Variants in ZACN observed in about 807,000 individuals in gnomAD.
ZACN encodes ligand-gated cation channel ZACN.
In ZACN, 52 loss-of-function variants were observed where a neutral mutation model predicts 38.9. The ratio of observed to expected loss-of-function variants is 1.34; its 90% CI spans 1.07 to 1.68. The LOEUF (loss-of-function observed/expected upper bound fraction) is 1.68. ZACN is among the 40% of genes most tolerant of loss of function. The probability of loss-of-function intolerance (pLI) is 0.00; values close to 1 mark genes in which losing one functional copy is unlikely to be tolerated. For missense variants in ZACN, 559 were observed against 525.6 expected (o/e 1.06, Z -0.62); for synonymous variants, 235 against 227.4 (o/e 1.03, Z -0.30).
chr17:76,079,591 A>C, intron 2 of ZACN, 28 bp downstream of exon 2: 1 of 1,614,020 alleles, frequency 6.2e-7, no homozygotes, highest in Non-Finnish European at 8.5e-7. Context: ...AAGGGCCCCA[A>C]GTGCTGAGCT....
At position 76,080,000 on chromosome 17, in the gene ZACN, T is replaced by A. The variant is rs936429549; in HGVS notation, c.374+6T>A. On this transcript the variant is annotated splice_donor_region_variant and intron_variant, in intron 4 of 8. Transcript: ENST00000334586. ...AGGCTCACCATCCTGGAGGCGTAAG[T>A]GAGACAGTTCCTGCCCCAGGAATCT... 9.6e-6 allele frequency: 15 copies of A among 1,568,110 alleles called. No homozygotes were observed. The highest frequency in any genetic ancestry group is 3.5e-5 in the South Asian group (3 of 85,296).
Position 76,079,868 on chromosome 17 carries a change from T to C in ZACN, c.268-20T>C. 6.3e-7 allele frequency: 1 copy of C among 1,586,914 alleles called. No homozygotes were observed. Among genetic ancestry groups the C allele is most frequent in the Admixed American group, 1.8e-5 (1 of 55,946 alleles). The stretch of plus-strand genomic sequence containing the variant: ...GATATGTGGAGAGCAGGAGCCTCAG[T>C]GGTGCCCTTGTGTCCCCAGTCCTGG... On this transcript the variant is annotated intron_variant, in intron 3 of 8. Coordinates refer to ENST00000334586, the MANE Select transcript of ZACN (RefSeq NM_180990.4).
intron 8 of ZACN, 134 bp from the exon 9 acceptor site, chr17:76,082,329 C>A: frequency 2.9e-6 from 3 of 1,022,340 alleles, no homozygotes; most frequent in Admixed American, 2.8e-5. Flanking sequence ...CTGAAATGGG[C>A]CAGACCCAAA....
rs771439466 is a variant in ZACN at position 76,082,484 on chromosome 17, G to A, written c.1070G>A (p.Gly357Glu). 6.8e-6 allele frequency: 11 copies of A among 1,612,868 alleles called. No individual in the cohort carries two copies. The highest frequency in any genetic ancestry group is 8.5e-6 in the Non-Finnish European group (10 of 1,179,522). Reference protein sequence around the residue: ...PAEEPSRGVKGSQRSWPETAD... With the variant: ...PAEEPSRGVKESQRSWPETAD... Reference sequence around the variant, plus strand: ...ACAGAGCCCTCCAGAGGAGTAAAGGGGTCACAGAGAAGCTGGCCTGAGACT... The same window carrying A: ...ACAGAGCCCTCCAGAGGAGTAAAGGAGTCACAGAGAAGCTGGCCTGAGACT... The change falls in exon 9 of 9, where the codon GGG becomes GAG. Residue 357 changes from glycine to glutamate, a missense_variant. Gly to Glu is a moderately conservative substitution (Grantham distance 98, BLOSUM62 -2). Transcript: ENST00000334586.
chr17:76,079,606 A>C (rs1278490804), intron 2 of ZACN, 43 bp downstream of exon 2: 1 of 1,613,718 alleles, frequency 6.2e-7, no homozygotes, highest in Non-Finnish European at 8.5e-7. Context: ...TGAGCTGGGC[A>C]GGGAACAGGA....
At chr17:76,079,847 T>C (rs2066921825) in intron 3 of ZACN, 41 bp from the exon 4 acceptor site, 2 of 1,593,092 alleles carry the variant, frequency 1.3e-6, no homozygotes, top group Non-Finnish European at 1.7e-6. Flanking sequence ...GGCATGGATA[T>C]GTGGAGAGCA....
At chr17:76,081,425 C>T (rs577823187) in intron 6 of ZACN, 23 bp downstream of exon 6, 137 of 1,613,618 alleles carry the variant, frequency 8.5e-5, no homozygotes, top group Middle Eastern at 3.3e-4. Context: ...GGGAGGAGGC[C>T]GACAGAGGGC....
rs1467483010 is a variant in ZACN at position 76,081,948 on chromosome 17, G to A, written c.947G>A (p.Gly316Glu). The A allele has an allele frequency of 1.2e-6, 2 of 1,613,092 alleles. No individual in the cohort carries two copies. Among genetic ancestry groups the A allele is most frequent in the Admixed American group, 1.7e-5 (1 of 59,910 alleles). Residue 316 changes from glycine to glutamate, a missense_variant, in exon 8 of 9, where the codon GGG (glycine) becomes GAG (glutamate). Gly to Glu is a moderately conservative substitution (Grantham distance 98). Transcript: ENST00000334586. ...ACCATAGAGACTGTGCTGCTGGCTG[G>A]GCTGCTGGCCCGGGGCAACCTTGGG... The part of the protein sequence containing the change: ...LSTIETVLLA[G>E]LLARGNLGAK...
At chr17:76,082,321 G>C in intron 8 of ZACN, 142 bp from the exon 9 acceptor site, 1 of 944,708 alleles carries the variant, frequency 1.1e-6, no homozygotes, top group Non-Finnish European at 1.5e-6. Flanking sequence ...AAGATGGCCT[G>C]AAATGGGCCA....
chr17:76,079,692 C>T lies in ZACN; in HGVS notation c.223-10C>T. Reference sequence around the variant, plus strand: ...GCTCACCCTGAGGTGATGCATTGCCCTTCCCCCAGGACATCCTGCGATACA... The same window carrying T: ...GCTCACCCTGAGGTGATGCATTGCCTTTCCCCCAGGACATCCTGCGATACA... On this transcript the variant is annotated splice_polypyrimidine_tract_variant and intron_variant, in intron 2 of 8. Transcript: ENST00000334586. The T allele has an allele frequency of 1.2e-6, 2 of 1,613,108 alleles. No individual in the cohort carries two copies. Among genetic ancestry groups the T allele is most frequent in the Middle Eastern group, 1.7e-4 (1 of 6,056 alleles).
rs1223013125 is a variant in ZACN, at chr17:76,079,922, G to C, written c.302G>C (p.Ser101Thr). The C allele has an allele frequency of 6.2e-7, 1 of 1,600,458 alleles. No homozygotes were observed. The highest frequency in any genetic ancestry group is 1.1e-5 in the South Asian group (1 of 88,728). ...WLDTRLAWNT[S>T]AHPRHAITLP... is the part of the protein sequence containing the mutation. ...GACACTCGCCTGGCCTGGAACACTA[G>C]TGCACACCCGCGGCACGCCATCACG... The change falls in exon 4 of 9, where the codon AGT becomes ACT. Residue 101 changes from serine (S) to threonine (T), a missense_variant. Ser to Thr is a moderately conservative substitution (Grantham distance 58). Coordinates refer to ENST00000334586, the MANE Select transcript of ZACN (RefSeq NM_180990.4).
rs745934049 is a variant in ZACN at position 76,081,969 on chromosome 17, T to C, written c.968T>C (p.Leu323Pro). The change falls in exon 8 of 9, where the codon CTT (leucine) becomes CCT (proline). Residue 323 changes from leucine (L) to proline (P), a missense_variant. Leu to Pro is a moderately conservative substitution (Grantham distance 98). Coordinates refer to ENST00000334586, the MANE Select transcript of ZACN (RefSeq NM_180990.4). ...LLAGLLARGN[L>P]GAKSGPSPAP... ...GCTGGGCTGCTGGCCCGGGGCAACCTTGGGGCCAAGAGCGGCCCCAGCCCA... is the reference window on the plus strand; with the variant it reads ...GCTGGGCTGCTGGCCCGGGGCAACCCTGGGGCCAAGAGCGGCCCCAGCCCA... 3.1e-6 allele frequency: 5 copies of C among 1,612,606 alleles called. No homozygotes were observed. Among genetic ancestry groups the C allele is most frequent in the South Asian group, 1.1e-5 (1 of 91,068 alleles).
chr17:76,080,570 C>A, intron 5 of ZACN, 146 bp downstream of exon 5: 1 of 1,165,776 alleles, frequency 8.6e-7, no homozygotes, highest in Non-Finnish European at 1.2e-6. Flanking sequence ...GGTCTGTGTT[C>A]AGAGCAGTCT....
chr17:76,080,067 GCTGT>G (rs776475018), intron 4 of ZACN, 73 bp downstream of exon 4: 301 of 1,508,056 alleles, frequency 2.0e-4, no homozygotes, highest in Middle Eastern at 1.4e-3. Flanking sequence ...CAACCTAGAG[GCTGT>G]CTGAGTGAAT....
rs369660049 is a variant in ZACN, at chr17:76,079,651, G to A, written c.223-51G>A. ...GGATAGTGCTGGGGTCTCCTGCTGCGTTCTTTCAACACAGCGCTCACCCTG... is the reference window on the plus strand; with the variant it reads ...GGATAGTGCTGGGGTCTCCTGCTGCATTCTTTCAACACAGCGCTCACCCTG... On this transcript the variant is annotated intron_variant, in intron 2 of 8. Transcript: ENST00000334586. The A allele has an allele frequency of 3.0e-4, 487 of 1,611,112 alleles. 1 individual carries two copies. Among genetic ancestry groups the A allele is most frequent in the African/African-American group, 2.2e-3 (164 of 75,024 alleles).
chr17:76,079,576 A>G lies in ZACN; in HGVS notation c.222+13A>G. 6.2e-7 allele frequency: 1 copy of G among 1,614,188 alleles called. No homozygotes were observed. The highest frequency in any genetic ancestry group is 8.5e-7 in the Non-Finnish European group (1 of 1,180,008). ...CGTGTTTAATGTGGTAAGTGCCTCT[A>G]GGCCAAGGGCCCCAAGTGCTGAGCT... On this transcript the variant is annotated intron_variant, in intron 2 of 8. Coordinates refer to ENST00000334586, the MANE Select transcript of ZACN (RefSeq NM_180990.4).
Position 76,079,341 on chromosome 17 carries a change from G to T in ZACN, c.77G>T (p.Gly26Val), listed in dbSNP as rs768044563. The change falls in exon 1 of 9, where the codon GGC becomes GTC. Residue 26 changes from glycine to valine, a missense_variant. Gly to Val is a moderately radical substitution (Grantham distance 109). Coordinates refer to ENST00000334586, the MANE Select transcript of ZACN (RefSeq NM_180990.4). ...SITLLLVHGQ[G>V]FQGTAAIWPS... ...ACCTTGCTGTTGGTCCACGGGCAGG[G>T]CTTCCAAGGGACAGCAGCCAGTAGG... The T allele has an allele frequency of 1.2e-6, 2 of 1,614,022 alleles. No individual in the cohort carries two copies. Among genetic ancestry groups the T allele is most frequent in the African/African-American group, 1.3e-5 (1 of 74,912 alleles).
intron 5 of ZACN, 187 bp downstream of exon 5, chr17:76,080,611 TC>T: frequency 1.2e-6 from 1 of 825,878 alleles, no homozygotes; most frequent in Middle Eastern, 2.2e-4. Context: ...GCACCTGCTC[TC>T]CCACTGCGCC....
At position 76,080,276 on chromosome 17, in the gene ZACN, C is replaced by A; in HGVS notation, c.396C>A (p.Asp132Glu). The A allele has an allele frequency of 1.2e-6, 2 of 1,613,742 alleles. No homozygotes were observed. The highest frequency in any genetic ancestry group is 1.7e-6 in the Non-Finnish European group (2 of 1,179,940). Residue 132 changes from aspartate to glutamate, a missense_variant, in exon 5 of 9, where the codon GAC becomes GAA. Coordinates refer to ENST00000334586, the MANE Select transcript of ZACN (RefSeq NM_180990.4). ...ACAGGCTCTGGGTGGACTGGAGGGA[C>A]CAGAGCCCCCAGGCTCGAGTAGACC... The part of the protein sequence containing the change: ...ILEALWVDWR[D>E]QSPQARVDQD...
Sources: allele counts gnomAD v4.1 joint callset, GRCh38; gene constraint gnomAD v4.1.1; transcripts MANE v1.5; gene names NCBI Gene and HGNC (gene_info 2026-07-23, HGNC 2026-07-21).